ARHGAP15: variants seen among roughly 807,000 people sequenced by gnomAD.
ARHGAP15 encodes Rho GTPase activating protein 15, also known as rho GTPase-activating protein 15.
Under a neutral mutation model 63.7 loss-of-function variants are expected in ARHGAP15, and 51 were observed. That is an observed-to-expected ratio of 0.80 (90% confidence interval 0.64 to 1.01). The LOEUF is 1.01. Among genes scored for constraint, ARHGAP15 ranks in the 50% least tolerant of loss-of-function variants. The pLI, the probability that ARHGAP15 is intolerant of heterozygous loss-of-function variation, is 0.00. For synonymous variants in ARHGAP15, 191 were observed against 193.8 expected, an observed-to-expected ratio of 0.99 and a Z score of 0.12; for missense variants, 560 against 564.6, an observed-to-expected ratio of 0.99 and a Z score of 0.08.
At chr2:143,158,845 G>T (rs1299132158) in intron 2 of ARHGAP15, among the ~76,000 whole-genome samples, 1 of 151,950 alleles carries the variant, frequency 6.6e-6, no homozygotes, top group African/African-American at 2.4e-5. Context: ...CTGTTTAAGG[G>T]CTAAAAAGAC....
chr2:143,211,559 C>A (rs1268907801), intron 3 of ARHGAP15, among the ~76,000 whole-genome samples: 1 of 152,022 alleles, frequency 6.6e-6, no homozygotes, highest in Non-Finnish European at 1.5e-5. Context: ...GCTAAATCTG[C>A]TTGATAATTA....
chr2:143,759,815 C>CATT (rs1346119059), intron 13 of ARHGAP15, among the ~76,000 whole-genome samples: 1 of 151,914 alleles, frequency 6.6e-6, no homozygotes, highest in Admixed American at 6.5e-5. Context: ...ACTCTCTGCT[C>CATT]ATTAGTATTA....
intron 13 of ARHGAP15, among the ~76,000 whole-genome samples, chr2:143,719,241 T>G (rs563384663): frequency 6.6e-6 from 1 of 152,212 alleles, no homozygotes; most frequent in African/African-American, 2.4e-5. Flanking sequence ...TTACTTCATT[T>G]ATTGATTTTC....
chr2:143,485,018 A>G (rs1692261118), intron 8 of ARHGAP15, among the ~76,000 whole-genome samples: 1 of 152,190 alleles, frequency 6.6e-6, no homozygotes. Context: ...AAATTACCCT[A>G]AGAGCTGAGG....
At chr2:143,667,041 A>G (rs1682240271) in intron 12 of ARHGAP15, among the ~76,000 whole-genome samples, 1 of 149,442 alleles carries the variant, frequency 6.7e-6, no homozygotes, top group African/African-American at 2.5e-5. Context: ...AACTAGAAAT[A>G]CCATTTGACC....
intron 3 of ARHGAP15, among the ~76,000 whole-genome samples, chr2:143,206,607 A>T (rs1235298957): frequency 6.6e-6 from 1 of 152,048 alleles, no homozygotes; most frequent in African/African-American, 2.4e-5. Context: ...TCACACTAAA[A>T]TTGCCTATTT....
chr2:143,556,322 T>C lies in ARHGAP15; in HGVS notation c.926-86T>C. The C allele has an allele frequency of 3.9e-6, 4 of 1,032,718 alleles. No individual in the cohort carries two copies. The South Asian group carries it at 5.2e-5, about 13-fold the overall frequency. 64.0% of individuals were successfully genotyped at this position (1,032,718 alleles called of 1,614,324 possible). ...GTTTTATCTGAGAAGAATAGATATT[T>C]GATTTACTCCTTCTTTTCATAGATT... On this transcript the variant is annotated intron_variant, in intron 10 of 13. Coordinates refer to ENST00000295095, the MANE Select transcript of ARHGAP15 (RefSeq NM_018460.4).
chr2:143,182,363 AG>A (rs1200269821), intron 2 of ARHGAP15, among the ~76,000 whole-genome samples: 1 of 152,138 alleles, frequency 6.6e-6, no homozygotes, highest in Non-Finnish European at 1.5e-5. Context: ...GGAAAGAGAC[AG>A]GGGAACTGCC....
At chr2:143,350,469 G>A (rs1164489105) in intron 6 of ARHGAP15, among the ~76,000 whole-genome samples, 2 of 151,994 alleles carry the variant, frequency 1.3e-5, no homozygotes, top group East Asian at 3.9e-4. Context: ...ACTGCCTAGA[G>A]GATGCTAATC....
intron 12 of ARHGAP15, among the ~76,000 whole-genome samples, chr2:143,656,855 G>A (rs1681460974): frequency 6.6e-6 from 1 of 151,806 alleles, no homozygotes; most frequent in African/African-American, 2.4e-5. Context: ...CAGACCTAAA[G>A]CAGAACTTGG....
chr2:143,350,662 TAA>T lies in ARHGAP15; in HGVS notation c.475-84924_475-84923del, dbSNP rs34082157. On this transcript the variant is annotated intron_variant, in intron 6 of 13. Transcript: ENST00000295095. ...GTGAAACCCCGTCTCTATTAAAAAT[TAA>T]AAAAAAAAAAAAAAGAAAGAAAAAA... 2.5e-4 allele frequency among the ~76,000 whole-genome samples: 31 copies of T among 126,516 alleles called. 1 individual carries two copies. Among genetic ancestry groups the T allele is most frequent in the Non-Finnish European group, 1.7e-4 (10 of 59,166 alleles). The allele number at this position is 126,516 out of a possible 152,430, so 83.0% of individuals were successfully genotyped here. A position where few individuals can be genotyped will look rare whatever the true frequency, so the allele number is the denominator to read the frequency against.
chr2:143,659,891 T>C (rs1182462492), intron 12 of ARHGAP15, among the ~76,000 whole-genome samples: 1 of 90,674 alleles, frequency 1.1e-5, no homozygotes, highest in Non-Finnish European at 2.9e-5. Flanking sequence ...TATCTTGGAG[T>C]TTTTTTTTCC....
At chr2:143,389,525 G>C (rs774136958) in intron 6 of ARHGAP15, among the ~76,000 whole-genome samples, 5 of 152,116 alleles carry the variant, frequency 3.3e-5, no homozygotes, top group Admixed American at 1.3e-4. Flanking sequence ...TGAAATACTG[G>C]TTTGCACATC....
chr2:143,612,091 T>A (rs1390149562), intron 11 of ARHGAP15, among the ~76,000 whole-genome samples: 1 of 152,198 alleles, frequency 6.6e-6, no homozygotes. Context: ...TACAAACTTT[T>A]GACAATTCTT....
rs191998119 is a variant in ARHGAP15 at position 143,621,397 on chromosome 2, G to A, written c.1004-2736G>A. Among the ~76,000 whole-genome samples the A allele has an allele frequency of 3.2e-3, 483 of 152,224 alleles. 2 individuals carry two copies. Among genetic ancestry groups the A allele is most frequent in the Non-Finnish European group, 5.1e-3 (345 of 67,998 alleles). ...AGGGTTATGGTTAGTTCATCTTGAG[G>A]ACTGGTTGGCTTCATGAGAAGGCAT... On this transcript the variant is annotated intron_variant, in intron 11 of 13. Transcript: ENST00000295095.
At chr2:143,218,847 A>G (rs75247880) in intron 4 of ARHGAP15, among the ~76,000 whole-genome samples, 1,665 of 152,330 alleles carry the variant, frequency 0.011, 37 homozygotes, top group African/African-American at 0.038. Flanking sequence ...GGTGATTGTA[A>G]CATAATGGTA....
At chr2:143,490,789 TTTTG>T (rs1271988336) in intron 9 of ARHGAP15, among the ~76,000 whole-genome samples, 3 of 152,112 alleles carry the variant, frequency 2.0e-5, no homozygotes, top group African/African-American at 4.8e-5. Context: ...CCCACTGTTT[TTTTG>T]TTTGTTTGTT....
chr2:143,594,438 G>A (rs142471393), intron 11 of ARHGAP15, among the ~76,000 whole-genome samples: 21 of 152,200 alleles, frequency 1.4e-4, no homozygotes, highest in African/African-American at 1.9e-4. Flanking sequence ...CGGTGTGCTC[G>A]GCCTATTTGG....
At chr2:143,311,726 T>C (rs936943318) in intron 6 of ARHGAP15, among the ~76,000 whole-genome samples, 12 of 152,144 alleles carry the variant, frequency 7.9e-5, no homozygotes, top group Non-Finnish European at 1.3e-4. Context: ...ACTGTACTCT[T>C]AGCATATGTC....
Sources: gnomAD v4.1 joint callset for allele counts (sites outside exome capture counted in the v4.1 genomes callset) on GRCh38, gnomAD v4.1.1 for gene constraint, MANE v1.5 for transcripts, NCBI Gene and HGNC (gene_info 2026-07-23, HGNC 2026-07-21) for gene names.